PDE2A: variants seen among roughly 807,000 people sequenced by gnomAD.
PDE2A encodes the protein phosphodiesterase 2A, also known as cGMP-dependent 3',5'-cyclic phosphodiesterase.
In PDE2A, 53 loss-of-function variants were observed where a neutral mutation model predicts 133.6. That is an observed-to-expected ratio of 0.40 (90% confidence interval 0.32 to 0.50). PDE2A has a LOEUF of 0.50. Ranked by LOEUF, PDE2A falls within the 20% of genes least tolerant of loss-of-function variation. The pLI is 0.73. For synonymous variants in PDE2A, 491 were observed against 490.2 expected (o/e 1.00, Z -0.02); for missense variants, 796 against 1,232.4 (o/e 0.65, Z 5.30).
intron 2 of PDE2A, among the ~76,000 whole-genome samples, chr11:72,620,028 G>A (rs1857678976): frequency 6.6e-6 from 1 of 152,182 alleles, no homozygotes; most frequent in Non-Finnish European, 1.5e-5. Flanking sequence ...GGCCTGAGGG[G>A]AAAGGCTTGG....
At chr11:72,669,477 C>T (rs888883997) in intron 1 of PDE2A, among the ~76,000 whole-genome samples, 4 of 152,150 alleles carry the variant, frequency 2.6e-5, no homozygotes, top group African/African-American at 9.7e-5. Flanking sequence ...AGGGAGCAAG[C>T]AGCTGAACAA....
intron 18 of PDE2A, 113 bp from the exon 19 acceptor site, chr11:72,584,426 A>G (rs771526140): frequency 1.5e-6 from 2 of 1,293,310 alleles, no homozygotes; most frequent in Admixed American, 3.9e-5. Context: ...CGTCCCAGGC[A>G]TGGAACCCGA....
chr11:72,658,475 C>A (rs79442994), intron 1 of PDE2A, among the ~76,000 whole-genome samples: 50 of 152,210 alleles, frequency 3.3e-4, no homozygotes, highest in South Asian at 1.7e-3. Flanking sequence ...CCTGCCCCCC[C>A]ACACACCCTA....
chr11:72,625,784 C>A (rs1352417254), intron 2 of PDE2A, among the ~76,000 whole-genome samples: 2 of 152,222 alleles, frequency 1.3e-5, no homozygotes, highest in African/African-American at 4.8e-5. Context: ...CACAGACTCC[C>A]CCCAGCAAGG....
rs370138339 is a variant in PDE2A at position 72,608,651 on chromosome 11, C to T, written c.234+11G>A. On this transcript the variant is annotated intron_variant, in intron 3 of 30. Transcript: ENST00000334456. ...TGGGGTGGGAAGCGTGGGGCAAGGG[C>T]GGGCACCTACCACTCGGGGGAGCAC... 34 of 1,430,976 alleles carry T rather than the reference C, an allele frequency of 2.4e-5. No homozygotes were observed. The highest frequency in any genetic ancestry group is 1.1e-4 in the African/African-American group (8 of 71,718). The allele number at this position is 1,430,976 out of a possible 1,614,324, so 88.6% of individuals were successfully genotyped here. A position where few individuals can be genotyped will look rare whatever the true frequency, so the allele number is the denominator to read the frequency against.
chr11:72,579,165 C>A, intron 27 of PDE2A, 119 bp downstream of exon 27: 1 of 954,706 alleles, frequency 1.0e-6, no homozygotes, highest in Non-Finnish European at 1.7e-6. Flanking sequence ...GGGGGCCGTG[C>A]AGCCAGAGAA....
chr11:72,593,091 C>A (rs1856323655), intron 6 of PDE2A, among the ~76,000 whole-genome samples: 1 of 151,974 alleles, frequency 6.6e-6, no homozygotes, highest in Admixed American at 6.6e-5. Context: ...TTGCACCCAG[C>A]ATGTGCACAA....
intron 2 of PDE2A, among the ~76,000 whole-genome samples, chr11:72,611,851 C>G (rs1857224911): frequency 6.6e-6 from 1 of 152,204 alleles, no homozygotes; most frequent in African/African-American, 2.4e-5. Flanking sequence ...ATGAATCTTC[C>G]TCAGATCTCA....
intron 27 of PDE2A, 50 bp from the exon 28 acceptor site, chr11:72,579,059 T>C (rs574581170): frequency 7.2e-7 from 1 of 1,382,010 alleles, no homozygotes; most frequent in Admixed American, 1.7e-5. Flanking sequence ...CTCTTTGCCC[T>C]TCTGAGGACA....
intron 2 of PDE2A, among the ~76,000 whole-genome samples, chr11:72,639,082 A>T (rs1858837582): frequency 6.6e-6 from 1 of 152,180 alleles, no homozygotes; most frequent in Non-Finnish European, 1.5e-5. Flanking sequence ...TCCAATCTCA[A>T]GGAACCTTGG....
At chr11:72,665,746 C>T (rs1855215441) in intron 1 of PDE2A, among the ~76,000 whole-genome samples, 1 of 152,130 alleles carries the variant, frequency 6.6e-6, no homozygotes, top group Non-Finnish European at 1.5e-5. Flanking sequence ...CCCTGTCTCC[C>T]ACGCAGCCCT....
chr11:72,658,298 T>C, intron 1 of PDE2A: 1 of 366,956 alleles, frequency 2.7e-6, no homozygotes, highest in Admixed American at 3.5e-5. Flanking sequence ...CAAGGGCAGA[T>C]CTTCCCACCT....
intron 2 of PDE2A, among the ~76,000 whole-genome samples, chr11:72,611,375 A>C (rs1279985143): frequency 6.6e-6 from 1 of 152,000 alleles, no homozygotes; most frequent in Admixed American, 6.5e-5. Flanking sequence ...TCAGCACCCG[A>C]TCCCCAGCTC....
intron 1 of PDE2A, chr11:72,652,632 C>A (rs1225745401): frequency 1.3e-5 from 6 of 456,178 alleles, no homozygotes; most frequent in Non-Finnish European, 2.6e-5. Context: ...AGTGCCAGAT[C>A]TATTCTCTCA....
rs115408342 is a variant in PDE2A, at chr11:72,657,499, G to T, written c.72-15173C>A. Among the ~76,000 whole-genome samples the T allele has an allele frequency of 7.4e-3, 1,131 of 152,168 alleles. 10 individuals are homozygous for T. The highest frequency in any genetic ancestry group is 0.026 in the African/African-American group (1,065 of 41,524). On this transcript the variant is annotated intron_variant, in intron 1 of 30. Coordinates refer to ENST00000334456, the MANE Select transcript of PDE2A (RefSeq NM_002599.5). ...CCCTCCCACTCCTCCATCTCCCTCAGGCCCCAGCCCCGCTCACACACGCCA... is the reference window on the plus strand; with the variant it reads ...CCCTCCCACTCCTCCATCTCCCTCATGCCCCAGCCCCGCTCACACACGCCA...
rs536358199 is a variant in PDE2A at position 72,608,348 on chromosome 11, C to A, written c.234+314G>T. Among the ~76,000 whole-genome samples, 11 of 152,304 alleles carry A rather than the reference C, an allele frequency of 7.2e-5. No individual in the cohort carries two copies. The South Asian group carries it at 1.5e-3, about 20-fold the overall frequency. Reference sequence around the variant, plus strand: ...GTATTCCAAAACTCAGCTGGCTCCACCACGTCCTGTTATCCTAGGTGAATC... The same window carrying A: ...GTATTCCAAAACTCAGCTGGCTCCAACACGTCCTGTTATCCTAGGTGAATC... On this transcript the variant is annotated intron_variant, in intron 3 of 30. Transcript: ENST00000334456.
intron 1 of PDE2A, among the ~76,000 whole-genome samples, chr11:72,664,618 C>T (rs1855179865): frequency 6.6e-6 from 1 of 151,796 alleles, no homozygotes; most frequent in Admixed American, 6.6e-5. Flanking sequence ...CGTGATCCGC[C>T]CACCTCAGCC....
At chr11:72,582,688 G>T (rs780576417) in intron 20 of PDE2A, 122 bp from the exon 21 acceptor site, 3 of 921,396 alleles carry the variant, frequency 3.3e-6, no homozygotes, top group Non-Finnish European at 4.9e-6. Flanking sequence ...GGGCCACCAC[G>T]CTGTGGACTG....
At chr11:72,580,215 A>C (rs767298931) in intron 25 of PDE2A, among the ~76,000 whole-genome samples, 1 of 152,200 alleles carries the variant, frequency 6.6e-6, no homozygotes, top group Non-Finnish European at 1.5e-5. Context: ...TGCCAAGTGC[A>C]GGGAACTCAG....
Sources: gnomAD v4.1 joint callset for allele counts (sites outside exome capture counted in the v4.1 genomes callset) on GRCh38, gnomAD v4.1.1 for gene constraint, MANE v1.5 for transcripts, NCBI Gene and HGNC (gene_info 2026-07-23, HGNC 2026-07-21) for gene names.